TLK2: variants seen among roughly 807,000 people sequenced by gnomAD.
TLK2 encodes the protein tousled like kinase 2, also known as serine/threonine-protein kinase tousled-like 2.
In TLK2, 6 loss-of-function variants were observed where a neutral mutation model predicts 117.3. The ratio of observed to expected loss-of-function variants is 0.05; its 90% confidence interval spans 0.03 to 0.10. The LOEUF is 0.10. TLK2 is among the 10% of genes least tolerant of loss of function. The pLI is 1.00. For missense variants in TLK2, 299 were observed against 901.2 expected (o/e 0.33, Z 8.56); for synonymous variants, 257 against 316.7 (o/e 0.81, Z 2.00).
intron 15 of TLK2, among the ~76,000 whole-genome samples, chr17:62,582,065 A>T (rs1158280899): frequency 6.6e-6 from 1 of 152,180 alleles, no homozygotes; most frequent in African/African-American, 2.4e-5. Context: ...TGGGCAACAT[A>T]GCAAGACCAT....
chr17:62,602,766 C>G (rs2082962321), intron 19 of TLK2, among the ~76,000 whole-genome samples: 1 of 152,196 alleles, frequency 6.6e-6, no homozygotes, highest in Non-Finnish European at 1.5e-5. Context: ...CTTCCCCTAG[C>G]CACCCGCACC....
intron 2 of TLK2, among the ~76,000 whole-genome samples, chr17:62,506,211 T>C (rs571308568): frequency 6.6e-6 from 1 of 152,342 alleles, no homozygotes; most frequent in African/African-American, 2.4e-5. Flanking sequence ...TTGCCATGGC[T>C]TGGTGGAAAG....
At chr17:62,594,955 C>A (rs1405204971) in intron 16 of TLK2, among the ~76,000 whole-genome samples, 2 of 152,158 alleles carry the variant, frequency 1.3e-5, no homozygotes, top group African/African-American at 2.4e-5. Context: ...GACAGTGGTG[C>A]CGACCAGGAA....
At chr17:62,494,283 A>G (rs2073419930) in intron 2 of TLK2, among the ~76,000 whole-genome samples, 1 of 152,138 alleles carries the variant, frequency 6.6e-6, no homozygotes. Context: ...GGGTTTCACC[A>G]TGCTGGCCAG....
intron 2 of TLK2, among the ~76,000 whole-genome samples, chr17:62,503,835 TCTC>T (rs889971300): frequency 2.7e-4 from 41 of 151,644 alleles, no homozygotes; most frequent in Non-Finnish European, 5.2e-4. Context: ...TTCAAGCCAT[TCTC>T]CTGCCTCAGC....
intron 2 of TLK2, chr17:62,516,823 T>C (rs1286682993): frequency 9.0e-7 from 1 of 1,106,460 alleles, no homozygotes; most frequent in Non-Finnish European, 1.3e-6. Context: ...AGTTCTTATG[T>C]TTAGGTCTTT....
intron 6 of TLK2, among the ~76,000 whole-genome samples, chr17:62,529,072 G>T (rs571147529): frequency 1.1e-4 from 17 of 152,184 alleles, no homozygotes; most frequent in African/African-American, 4.1e-4. Context: ...TAAATCTTAG[G>T]TATTTTTATT....
intron 1 of TLK2, among the ~76,000 whole-genome samples, chr17:62,480,776 T>C (rs1464442469): frequency 6.6e-6 from 1 of 152,218 alleles, no homozygotes; most frequent in Non-Finnish European, 1.5e-5. Context: ...AGAAGGAATT[T>C]TCTTTTTGCA....
At chr17:62,514,812 C>T (rs2075439103) in intron 2 of TLK2, among the ~76,000 whole-genome samples, 2 of 152,116 alleles carry the variant, frequency 1.3e-5, no homozygotes, top group African/African-American at 2.4e-5. Flanking sequence ...CTCCTGGCCT[C>T]ACGTGATCCA....
chr17:62,515,044 C>T (rs374376316), intron 2 of TLK2, among the ~76,000 whole-genome samples: 125 of 152,344 alleles, frequency 8.2e-4, no homozygotes, highest in African/African-American at 2.8e-3. Context: ...TCCTCCCCAA[C>T]CCCTGGCAGC....
At chr17:62,542,398 T>C (rs1234251472) in intron 7 of TLK2, among the ~76,000 whole-genome samples, 1 of 152,248 alleles carries the variant, frequency 6.6e-6, no homozygotes, top group Non-Finnish European at 1.5e-5. Flanking sequence ...TGAGCCACTG[T>C]ACCTGGCCTT....
chr17:62,569,087 C>G (rs2080051618), intron 11 of TLK2, among the ~76,000 whole-genome samples: 1 of 151,542 alleles, frequency 6.6e-6, no homozygotes. Flanking sequence ...GGTGCATATC[C>G]TGAGGTCAGG....
intron 12 of TLK2, chr17:62,574,464 TG>T: frequency 1.2e-6 from 1 of 848,868 alleles, no homozygotes; most frequent in African/African-American, 1.7e-5. Flanking sequence ...GCGATAAAAA[TG>T]TGCATAATGA....
upstream of TLK2, among the ~76,000 whole-genome samples, chr17:62,475,492 A>T (rs1398613639): frequency 6.7e-6 from 1 of 150,138 alleles, no homozygotes; most frequent in Non-Finnish European, 1.5e-5. Context: ...ACAGGTGCCC[A>T]CCACCACGCT....
chr17:62,575,239 A>G (rs2080690138), intron 12 of TLK2, among the ~76,000 whole-genome samples: 1 of 152,214 alleles, frequency 6.6e-6, no homozygotes, highest in African/African-American at 2.4e-5. Flanking sequence ...TAATTAGAGT[A>G]TCTGTGACTT....
In TLK2 at chr17:62,505,777, C is replaced by T. The variant is rs553428299; in HGVS notation, c.82-14996C>T. On this transcript the variant is annotated intron_variant, in intron 2 of 21. Transcript: ENST00000346027. ...TGCGATCAAGGCTGACTGCAACCTC[C>T]GTCTCTTGGGCTCAATTGATCTTCC... Among the ~76,000 whole-genome samples the T allele has an allele frequency of 1.1e-4, 16 of 152,234 alleles. 1 individual carries two copies. The highest frequency in any genetic ancestry group is 3.9e-4 in the East Asian group (2 of 5,172).
At chr17:62,495,549 G>C (rs2144799050) in intron 2 of TLK2, among the ~76,000 whole-genome samples, 1 of 150,950 alleles carries the variant, frequency 6.6e-6, no homozygotes, top group East Asian at 2.0e-4. Context: ...CAAAGTGATG[G>C]GATTACATGC....
chr17:62,554,903 C>T (rs1468180451), intron 9 of TLK2, among the ~76,000 whole-genome samples: 1 of 151,190 alleles, frequency 6.6e-6, no homozygotes, highest in African/African-American at 2.4e-5. Flanking sequence ...TATACATGCT[C>T]TTTACAAAAT....
chr17:62,496,015 C>T (rs1179036978), intron 2 of TLK2, among the ~76,000 whole-genome samples: 1 of 152,044 alleles, frequency 6.6e-6, no homozygotes, highest in Non-Finnish European at 1.5e-5. Flanking sequence ...AATTCAGAAT[C>T]TTTCACAGAT....
Sources: gnomAD v4.1 joint callset for allele counts (sites outside exome capture counted in the v4.1 genomes callset) on GRCh38, gnomAD v4.1.1 for gene constraint, MANE v1.5 for transcripts, NCBI Gene and HGNC (gene_info 2026-07-23, HGNC 2026-07-21) for gene names.